Variants in TUSC3 observed in about 807,000 individuals in gnomAD.
TUSC3 encodes the protein tumor suppressor candidate 3, also known as dolichyl-diphosphooligosaccharide--protein glycosyltransferase subunit TUSC3.
A neutral mutation model predicts 44.8 loss-of-function variants in TUSC3; 45 were observed. That is an observed-to-expected ratio of 1.00 (90% CI 0.79 to 1.29). The LOEUF (loss-of-function observed/expected upper bound fraction) is 1.29, where lower values mean the gene tolerates loss of function less well. Among genes scored for constraint, TUSC3 ranks in the 50% most tolerant of loss-of-function variants. The pLI is 0.00. For synonymous variants in TUSC3, 212 were observed against 152.9 expected (o/e 1.39, Z -2.85); for missense variants, 519 against 437.9 (o/e 1.19, Z -1.65).
the TUSC3 span, among the ~76,000 whole-genome samples, chr8:15,795,564 T>A: frequency 1.3e-5 from 2 of 152,208 alleles, no homozygotes; most frequent in African/African-American, 4.8e-5. Context: ...ATCTGTGAAC[T>A]TTCTTATGAC....
intron 1 of TUSC3, among the ~76,000 whole-genome samples, chr8:15,476,968 C>A (rs1185300735): frequency 1.3e-5 from 2 of 152,192 alleles, no homozygotes; most frequent in East Asian, 1.9e-4. Flanking sequence ...TACAAAGTTA[C>A]ACTTCTATGC....
rs113421840 is a variant in TUSC3, at chr8:15,673,997, T to TAC, written c.798+175_798+176dup. ...TGTGTCACCTATATACACATGTGCA[T>TAC]ACACACACACACACAATATTACTTT... On this transcript the variant is annotated intron_variant, in intron 6 of 10. Coordinates refer to ENST00000503731, the MANE Select transcript of TUSC3 (RefSeq NM_006765.4). Among the ~76,000 whole-genome samples, 1,392 of 151,570 alleles carry TAC rather than the reference T, an allele frequency of 9.2e-3. 20 individuals are homozygous for TAC. Among genetic ancestry groups the TAC allele is most frequent in the African/African-American group, 0.031 (1,275 of 41,410 alleles).
At chr8:15,520,575 A>T (rs1801283823) in intron 2 of TUSC3, among the ~76,000 whole-genome samples, 3 of 152,068 alleles carry the variant, frequency 2.0e-5, no homozygotes. Context: ...GTTGTATTAA[A>T]CCTCTGCACT....
the TUSC3 span, among the ~76,000 whole-genome samples, chr8:15,827,438 T>A: frequency 6.6e-6 from 1 of 152,182 alleles, no homozygotes; most frequent in Non-Finnish European, 1.5e-5. Flanking sequence ...CAATGGGTAG[T>A]GTTCAGTTTA....
intron 7 of TUSC3, 194 bp from the exon 8 acceptor site, chr8:15,743,344 G>C: frequency 1.7e-6 from 1 of 598,906 alleles, no homozygotes; most frequent in Non-Finnish European, 2.9e-6. Context: ...TGAAGTTTCA[G>C]GTTATAAATT....
chr8:15,498,317 C>T (rs532766940), intron 2 of TUSC3, among the ~76,000 whole-genome samples: 174 of 152,242 alleles, frequency 1.1e-3, no homozygotes, highest in Admixed American at 2.0e-3. Context: ...TTGATTGCTT[C>T]AATTTGCTCA....
chr8:15,771,403 TGAA>T (rs766812753), downstream of TUSC3, among the ~76,000 whole-genome samples: 4 of 152,076 alleles, frequency 2.6e-5, no homozygotes, highest in Non-Finnish European at 5.9e-5. Context: ...AGAACCAAGT[TGAA>T]GAGTCCTTCA....
intron 1 of TUSC3, among the ~76,000 whole-genome samples, chr8:15,454,736 G>C (rs902100237): frequency 6.6e-6 from 1 of 152,130 alleles, no homozygotes; most frequent in Non-Finnish European, 1.5e-5. Flanking sequence ...AAACTGGACT[G>C]CACAAGTCTT....
the TUSC3 span, among the ~76,000 whole-genome samples, chr8:15,794,386 C>T: frequency 6.6e-6 from 1 of 152,116 alleles, no homozygotes; most frequent in East Asian, 1.9e-4. Flanking sequence ...TGCATTTTTA[C>T]ATACAAAATT....
intron 1 of TUSC3, among the ~76,000 whole-genome samples, chr8:15,423,969 GTTTTTTTTTT>G (rs112397215): frequency 6.5e-4 from 46 of 70,338 alleles, no homozygotes; most frequent in Admixed American, 1.2e-3. Context: ...GTTTTGCTTT[GTTTTTTTTTT>G]TTTTTTTTTT....
chr8:15,526,194 G>A (rs553685388), intron 2 of TUSC3, among the ~76,000 whole-genome samples: 21 of 152,084 alleles, frequency 1.4e-4, no homozygotes, highest in African/African-American at 5.1e-4. Context: ...CATCACGGCC[G>A]GCTAATTTTT....
At chr8:15,466,227 C>T (rs995229178) in intron 1 of TUSC3, among the ~76,000 whole-genome samples, 3 of 152,178 alleles carry the variant, frequency 2.0e-5, no homozygotes, top group Non-Finnish European at 4.4e-5. Context: ...GTAGCAGACA[C>T]ATTTCTTTGG....
chr8:15,590,742 G>A (rs1418884499), intron 1 of TUSC3, among the ~76,000 whole-genome samples: 2 of 151,902 alleles, frequency 1.3e-5, no homozygotes, highest in African/African-American at 4.8e-5. Flanking sequence ...TGCAATCTTG[G>A]CTCATTGTTG....
the TUSC3 span, among the ~76,000 whole-genome samples, chr8:15,796,936 G>T: frequency 6.6e-6 from 1 of 152,138 alleles, no homozygotes; most frequent in Non-Finnish European, 1.5e-5. Flanking sequence ...TATGTCAGAA[G>T]CTGCTTTATA....
At chr8:15,605,853 G>T (rs916431724) in intron 1 of TUSC3, among the ~76,000 whole-genome samples, 1 of 151,918 alleles carries the variant, frequency 6.6e-6, no homozygotes, top group Non-Finnish European at 1.5e-5. Flanking sequence ...TACGTTATAG[G>T]CTACTGTCAT....
intron 1 of TUSC3, among the ~76,000 whole-genome samples, chr8:15,608,022 A>G (rs543914969): frequency 4.0e-4 from 61 of 152,302 alleles, no homozygotes; most frequent in African/African-American, 1.4e-3. Flanking sequence ...TCCTTAGCAA[A>G]CCAGAATGGT....
At chr8:15,443,336 TTGTGTGTGTGTGTGTGTGTGTG>T (rs57905950) in intron 1 of TUSC3, among the ~76,000 whole-genome samples, 1 of 132,884 alleles carries the variant, frequency 7.5e-6, no homozygotes, top group Non-Finnish European at 1.6e-5. Context: ...ACCCACCTAA[TTGTGTGTGTGTGTGTGTGTGTG>T]TGTGTGTGTG....
intron 1 of TUSC3, among the ~76,000 whole-genome samples, chr8:15,473,076 A>C (rs185150451): frequency 1.3e-5 from 2 of 152,192 alleles, no homozygotes; most frequent in African/African-American, 4.8e-5. Flanking sequence ...AAATATCTCA[A>C]CTTGGGCCTG....
intron 1 of TUSC3, among the ~76,000 whole-genome samples, chr8:15,599,175 G>A (rs1365772771): frequency 6.6e-6 from 1 of 151,762 alleles, no homozygotes; most frequent in Non-Finnish European, 1.5e-5. Flanking sequence ...ATTTCCCGAT[G>A]ACATGTAATG....
Sources: allele counts gnomAD v4.1 joint callset (sites outside exome capture counted in the v4.1 genomes callset), GRCh38; gene constraint gnomAD v4.1.1; transcripts MANE v1.5; gene names NCBI Gene and HGNC (gene_info 2026-07-23, HGNC 2026-07-21).